The following DLGAP2 variants were observed in gnomAD, a reference collection of about 807,000 sequenced individuals.
DLGAP2 encodes disks large-associated protein 2.
A neutral mutation model predicts 100.3 loss-of-function variants in DLGAP2; 26 were observed. The observed-to-expected ratio is 0.26, with a 90% CI of 0.19 to 0.36. The LOEUF is 0.36. Among genes scored for constraint, DLGAP2 ranks in the 10% least tolerant of loss-of-function variants. The pLI is 1.00. For synonymous variants in DLGAP2, 886 were observed against 630.1 expected, an observed-to-expected ratio of 1.41 and a Z score of -6.08; for missense variants, 1,858 against 1,453.2, an observed-to-expected ratio of 1.28 and a Z score of -4.53.
At chr8:1,088,762 C>T (rs1804063951) in intron 2 of DLGAP2, among the ~76,000 whole-genome samples, 1 of 138,794 alleles carries the variant, frequency 7.2e-6, no homozygotes, top group African/African-American at 2.8e-5. Context: ...CTCTCCACCC[C>T]TCATCCAGCA....
intron 2 of DLGAP2, among the ~76,000 whole-genome samples, chr8:1,033,667 C>A (rs1411457079): frequency 1.3e-5 from 2 of 152,170 alleles, no homozygotes; most frequent in South Asian, 2.1e-4. Flanking sequence ...ACCGTGTTAC[C>A]CCAAGTTAGG....
intron 8 of DLGAP2, among the ~76,000 whole-genome samples, chr8:1,646,877 C>T (rs915290026): frequency 6.6e-6 from 1 of 152,170 alleles, no homozygotes; most frequent in Non-Finnish European, 1.5e-5. Context: ...GCGTCGAAAA[C>T]TTTTGTCCCT....
rs770782824 is a variant in DLGAP2, at chr8:1,549,388, C to A, written c.935C>A (p.Pro312His). The change falls in exon 5 of 15, where the codon CCC becomes CAC. Residue 312 changes from proline (P) to histidine (H), a missense_variant. By Grantham distance (77) the Pro-to-His change is moderately conservative. Transcript: ENST00000637795. The part of the protein sequence containing the change: ...NLDSDSTYRT[P>H]SVLNRHHLGP... ...GACAGCGACAGCACCTATCGGACGC[C>A]CAGCGTGCTCAACCGGCACCACCTG... 6.2e-6 allele frequency: 10 copies of A among 1,613,374 alleles called. No homozygotes were observed. In the South Asian group the frequency reaches 1.1e-4, roughly 18 times the overall value.
At chr8:1,135,851 G>C (rs984598570) in intron 2 of DLGAP2, among the ~76,000 whole-genome samples, 4 of 152,176 alleles carry the variant, frequency 2.6e-5, no homozygotes, top group African/African-American at 9.7e-5. Context: ...TGCTGAGCAC[G>C]GGGGATTGGC....
At chr8:1,256,168 C>CG (rs1799207526) in intron 2 of DLGAP2, among the ~76,000 whole-genome samples, 3 of 132,060 alleles carry the variant, frequency 2.3e-5, no homozygotes, top group Middle Eastern at 5.3e-3. Flanking sequence ...TGTGTGTGTC[C>CG]TCTCATCCTG....
At chr8:795,175 C>G (rs1347669472) in intron 1 of DLGAP2, among the ~76,000 whole-genome samples, 1 of 152,192 alleles carries the variant, frequency 6.6e-6, no homozygotes, top group Non-Finnish European at 1.5e-5. Flanking sequence ...AACACTGAAC[C>G]CTTGCTCCTG....
intron 2 of DLGAP2, among the ~76,000 whole-genome samples, chr8:1,242,650 G>C (rs138206811): frequency 1.9e-3 from 283 of 152,304 alleles, no homozygotes; most frequent in African/African-American, 6.2e-3. Context: ...TTTGTTCTTA[G>C]GATTCCCTGA....
intron 3 of DLGAP2, among the ~76,000 whole-genome samples, chr8:1,267,470 A>G (rs1376584918): frequency 6.7e-6 from 1 of 149,626 alleles, no homozygotes; most frequent in East Asian, 2.0e-4. Flanking sequence ...GGAGGCTGAG[A>G]ATCGCTTGAA....
intron 4 of DLGAP2, among the ~76,000 whole-genome samples, chr8:1,531,446 G>C (rs1800987290): frequency 6.6e-6 from 1 of 152,044 alleles, no homozygotes; most frequent in African/African-American, 2.4e-5. Context: ...AGTGAGGTTA[G>C]AATTTTTTTC....
At chr8:1,253,570 A>C (rs1352269527) in intron 2 of DLGAP2, among the ~76,000 whole-genome samples, 2 of 152,188 alleles carry the variant, frequency 1.3e-5, no homozygotes, top group African/African-American at 4.8e-5. Flanking sequence ...AAAATAAGGC[A>C]CCTTGTGCCA....
chr8:1,463,445 G>A (rs1798516748), intron 3 of DLGAP2, among the ~76,000 whole-genome samples: 1 of 152,218 alleles, frequency 6.6e-6, no homozygotes, highest in East Asian at 1.9e-4. Flanking sequence ...GACCACCCAT[G>A]CTCCCCAGGA....
chr8:1,175,088 C>CCCTT (rs1031644703), intron 2 of DLGAP2, among the ~76,000 whole-genome samples: 1 of 152,106 alleles, frequency 6.6e-6, no homozygotes, highest in Non-Finnish European at 1.5e-5. Flanking sequence ...TCTAGGATTC[C>CCCTT]CCTTCCCACA....
chr8:1,578,307 C>T (rs945223718), intron 6 of DLGAP2, among the ~76,000 whole-genome samples: 6 of 152,098 alleles, frequency 3.9e-5, no homozygotes, highest in Non-Finnish European at 7.4e-5. Context: ...ATGGGAAGAT[C>T]GACTTGCTAA....
intron 6 of DLGAP2, among the ~76,000 whole-genome samples, chr8:1,588,240 T>G (rs1194895494): frequency 6.6e-6 from 1 of 152,124 alleles, no homozygotes; most frequent in East Asian, 1.9e-4. Flanking sequence ...TGTTCATGTC[T>G]CTTAATCTAA....
At chr8:1,562,149 T>A (rs1327615371) in intron 5 of DLGAP2, among the ~76,000 whole-genome samples, 2 of 17,752 alleles carry the variant, frequency 1.1e-4, no homozygotes, top group African/African-American at 2.4e-4. Context: ...GACTGTGTGG[T>A]GTTGGGGTGT....
chr8:1,254,866 C>G (rs920925037), intron 2 of DLGAP2, among the ~76,000 whole-genome samples: 1 of 81,314 alleles, frequency 1.2e-5, no homozygotes, highest in Non-Finnish European at 2.6e-5. Context: ...CCCTGGCCCT[C>G]TCATCCTGCC....
intron 2 of DLGAP2, among the ~76,000 whole-genome samples, chr8:1,000,159 C>G (rs1007895929): frequency 2.0e-5 from 3 of 150,890 alleles, no homozygotes; most frequent in Non-Finnish European, 4.4e-5. Flanking sequence ...ACTGGATTTT[C>G]TCTAGAGCAG....
intron 3 of DLGAP2, among the ~76,000 whole-genome samples, chr8:1,433,053 G>T (rs1375901442): frequency 6.6e-6 from 1 of 152,180 alleles, no homozygotes; most frequent in Admixed American, 6.5e-5. Flanking sequence ...CCAAGTTTTA[G>T]TCCCAGGGCA....
chr8:1,567,868 G>C (rs1056832603), intron 6 of DLGAP2, among the ~76,000 whole-genome samples: 9 of 152,230 alleles, frequency 5.9e-5, no homozygotes, highest in African/African-American at 2.2e-4. Flanking sequence ...CCCTCTGGGA[G>C]TTCACTCACC....
Sources: gnomAD v4.1 joint callset for allele counts (sites outside exome capture counted in the v4.1 genomes callset) on GRCh38, gnomAD v4.1.1 for gene constraint, MANE v1.5 for transcripts, NCBI Gene and HGNC (gene_info 2026-07-23, HGNC 2026-07-21) for gene names.